Variants in SLC4A10 observed in about 807,000 individuals in gnomAD.
The protein encoded by SLC4A10 is solute carrier family 4 member 10, also known as sodium-driven chloride bicarbonate exchanger.
Under a neutral mutation model 137.7 loss-of-function variants are expected in SLC4A10, and 42 were observed. The ratio of observed to expected loss-of-function variants is 0.30; its 90% CI spans 0.24 to 0.39. The LOEUF is 0.39. SLC4A10 is among the 10% of genes least tolerant of loss of function. SLC4A10 has a pLI of 1.00. For synonymous variants in SLC4A10, 474 were observed against 464.1 expected (o/e 1.02, Z -0.27); for missense variants, 925 against 1,355.0 (o/e 0.68, Z 4.98).
intron 15 of SLC4A10, among the ~76,000 whole-genome samples, chr2:161,913,653 C>G (rs993946965): frequency 6.6e-6 from 1 of 152,170 alleles, no homozygotes; most frequent in Admixed American, 6.5e-5. Flanking sequence ...TTTTATAGAA[C>G]AAGTTATGAC....
intron 4 of SLC4A10, among the ~76,000 whole-genome samples, chr2:161,842,288 A>T (rs2059232249): frequency 6.6e-6 from 1 of 152,154 alleles, no homozygotes; most frequent in Non-Finnish European, 1.5e-5. Flanking sequence ...TTTCTAATTT[A>T]CACTTCTATC....
chr2:161,738,246 A>G (rs1278615148), intron 1 of SLC4A10, among the ~76,000 whole-genome samples: 1 of 152,192 alleles, frequency 6.6e-6, no homozygotes, highest in East Asian at 1.9e-4. Context: ...GGGTCACTAG[A>G]AGCTCTACTT....
At chr2:161,697,743 G>A (rs1307077470) in intron 1 of SLC4A10, among the ~76,000 whole-genome samples, 1 of 152,190 alleles carries the variant, frequency 6.6e-6, no homozygotes, top group African/African-American at 2.4e-5. Flanking sequence ...GTAGCATGAT[G>A]CCTCCAGCTT....
chr2:161,782,078 T>C (rs972083221), intron 2 of SLC4A10, among the ~76,000 whole-genome samples: 16 of 152,042 alleles, frequency 1.1e-4, no homozygotes, highest in African/African-American at 3.9e-4. Context: ...TGGCTTAGAT[T>C]GGTAGCCACC....
intron 3 of SLC4A10, among the ~76,000 whole-genome samples, chr2:161,822,480 C>A (rs942161092): frequency 2.6e-5 from 4 of 152,120 alleles, no homozygotes; most frequent in Non-Finnish European, 5.9e-5. Context: ...ACTCTAGAAT[C>A]ACAAATTGTG....
At chr2:161,708,938 T>C (rs772822003) in intron 1 of SLC4A10, 1 of 1,264,852 alleles carries the variant, frequency 7.9e-7, no homozygotes, top group Non-Finnish European at 1.1e-6. Context: ...ATTGTCAGAC[T>C]TTCCTTAGGA....
intron 18 of SLC4A10, among the ~76,000 whole-genome samples, chr2:161,949,885 G>T (rs1314425518): frequency 6.6e-6 from 1 of 151,798 alleles, no homozygotes; most frequent in Non-Finnish European, 1.5e-5. Context: ...ATGATGTGAG[G>T]TGTGAATTTT....
chr2:161,637,357 C>T (rs776827450), intron 1 of SLC4A10, among the ~76,000 whole-genome samples: 17 of 151,622 alleles, frequency 1.1e-4, no homozygotes, highest in Admixed American at 1.1e-3. Flanking sequence ...TGCCACCACT[C>T]CCAGTAATTT....
At chr2:161,970,827 A>C (rs1698392377) in intron 23 of SLC4A10, among the ~76,000 whole-genome samples, 1 of 152,242 alleles carries the variant, frequency 6.6e-6, no homozygotes, top group Non-Finnish European at 1.5e-5. Flanking sequence ...GTAATTCGAT[A>C]TATAACACCC....
intron 3 of SLC4A10, among the ~76,000 whole-genome samples, chr2:161,809,409 G>A (rs2056327551): frequency 6.6e-6 from 1 of 151,928 alleles, no homozygotes. Context: ...TTTTGTTTTT[G>A]TTTCAATTGC....
chr2:161,738,010 A>C (rs1281209919), intron 1 of SLC4A10, among the ~76,000 whole-genome samples: 1 of 152,154 alleles, frequency 6.6e-6, no homozygotes, highest in Non-Finnish European at 1.5e-5. Flanking sequence ...CAGGTCAGTT[A>C]GTTTTCAGGT....
rs557349667 is a variant in SLC4A10 at position 161,720,924 on chromosome 2, G to A, written c.49-50049G>A. ...TGGTCACTGCAACCTCTGCCCCCAG[G>A]TTCAAGTAATTCTCCTGCCTCAGCC... is the stretch of plus-strand genomic sequence containing the variant. On this transcript the variant is annotated intron_variant, in intron 1 of 26. Transcript: ENST00000446997. Among the ~76,000 whole-genome samples the A allele has an allele frequency of 1.8e-3, 278 of 151,926 alleles. 2 individuals are homozygous for A. The highest frequency in any genetic ancestry group is 6.3e-3 in the African/African-American group (260 of 41,468).
intron 15 of SLC4A10, among the ~76,000 whole-genome samples, chr2:161,939,934 A>G (rs80271151): frequency 0.017 from 2,626 of 152,272 alleles, 88 homozygotes; most frequent in East Asian, 0.14. Flanking sequence ...GTGTCATGAC[A>G]TCTATAGTAC....
At chr2:161,700,832 G>A (rs1450966326) in intron 1 of SLC4A10, among the ~76,000 whole-genome samples, 1 of 152,048 alleles carries the variant, frequency 6.6e-6, no homozygotes, top group Admixed American at 6.6e-5. Flanking sequence ...TACGCGCTCT[G>A]TAGTGTCTAC....
chr2:161,831,320 ATAT>A lies in SLC4A10; in HGVS notation c.278-8465_278-8463del, dbSNP rs1478486791. On this transcript the variant is annotated intron_variant, in intron 3 of 26. Coordinates refer to ENST00000446997, the MANE Select transcript of SLC4A10 (RefSeq NM_001178015.2). Reference sequence around the variant, plus strand: ...TTTATTTTCATATATGAAATGATTAATATTATAGATTTCAGTAATTGCTCTATA... The same window carrying A: ...TTTATTTTCATATATGAAATGATTAATATAGATTTCAGTAATTGCTCTATA... Among the ~76,000 whole-genome samples, 14 of 152,272 alleles carry A rather than the reference ATAT, an allele frequency of 9.2e-5. No individual in the cohort carries two copies. The South Asian group carries it at 2.5e-3, about 27-fold the overall frequency.
chr2:161,845,949 C>G (rs964025208), intron 4 of SLC4A10, among the ~76,000 whole-genome samples: 1 of 151,876 alleles, frequency 6.6e-6, no homozygotes, highest in African/African-American at 2.4e-5. Context: ...ACACCAAAAG[C>G]GCAATTCGTA....
intron 1 of SLC4A10, among the ~76,000 whole-genome samples, chr2:161,752,440 C>T (rs569309040): frequency 4.6e-5 from 7 of 151,930 alleles, no homozygotes; most frequent in African/African-American, 1.2e-4. Flanking sequence ...CTGAACTAAA[C>T]GCATGGGCCT....
At chr2:161,703,283 A>G (rs1018147278) in intron 1 of SLC4A10, among the ~76,000 whole-genome samples, 1 of 151,780 alleles carries the variant, frequency 6.6e-6, no homozygotes, top group South Asian at 2.1e-4. Context: ...AAGTCAAAGA[A>G]TAGGAGATTG....
intron 22 of SLC4A10, 128 bp from the exon 23 acceptor site, chr2:161,964,923 T>G: frequency 1.4e-6 from 1 of 707,064 alleles, no homozygotes; most frequent in Non-Finnish European, 2.2e-6. Context: ...TTTATACATA[T>G]ATATCTTTAA....
Sources: gnomAD v4.1 joint callset for allele counts (sites outside exome capture counted in the v4.1 genomes callset) on GRCh38, gnomAD v4.1.1 for gene constraint, MANE v1.5 for transcripts, NCBI Gene and HGNC (gene_info 2026-07-23, HGNC 2026-07-21) for gene names.